The following ADAM23 variants were observed in gnomAD, a reference collection of about 807,000 sequenced individuals.
ADAM23 encodes ADAM metallopeptidase domain 23, also known as disintegrin and metalloproteinase domain-containing protein 23.
ADAM23 carries 33 observed loss-of-function variants against 120.1 expected under a neutral mutation model. The observed-to-expected ratio is 0.27, with a 90% CI of 0.21 to 0.37. The LOEUF is 0.37. Among genes scored for constraint, ADAM23 ranks in the 10% least tolerant of loss-of-function variants. ADAM23 has a pLI of 1.00. For missense variants in ADAM23, 862 were observed against 1,058.2 expected (o/e 0.81, Z 2.57); for synonymous variants, 367 against 375.2 (o/e 0.98, Z 0.25).
At chr2:206,586,711 G>A (rs1574550496) in intron 18 of ADAM23, among the ~76,000 whole-genome samples, 1 of 152,074 alleles carries the variant, frequency 6.6e-6, no homozygotes, top group South Asian at 2.1e-4. Context: ...GTAACTTTGG[G>A]GGGAAATGAA....
At chr2:206,470,133 G>T (rs1695623652) in intron 2 of ADAM23, among the ~76,000 whole-genome samples, 1 of 151,970 alleles carries the variant, frequency 6.6e-6, no homozygotes, top group Non-Finnish European at 1.5e-5. Context: ...CTTGAAATGT[G>T]GTAGACACAC....
At chr2:206,480,717 C>A (rs575921043) in intron 2 of ADAM23, among the ~76,000 whole-genome samples, 12 of 152,094 alleles carry the variant, frequency 7.9e-5, no homozygotes, top group African/African-American at 2.9e-4. Context: ...TCACAAAAGG[C>A]CAGGTTCTAA....
chr2:206,510,418 G>T (rs1379654404), intron 3 of ADAM23, among the ~76,000 whole-genome samples: 1 of 152,044 alleles, frequency 6.6e-6, no homozygotes, highest in Non-Finnish European at 1.5e-5. Flanking sequence ...TATATACTAA[G>T]ACTTCTTTCA....
chr2:206,495,482 A>C (rs1290389874), intron 3 of ADAM23, among the ~76,000 whole-genome samples: 2 of 152,234 alleles, frequency 1.3e-5, no homozygotes, highest in African/African-American at 4.8e-5. Context: ...GCCTGCCCTA[A>C]AAGAGCTCCT....
At chr2:206,540,216 TAC>T (rs71034461) in intron 4 of ADAM23, among the ~76,000 whole-genome samples, 20,787 of 131,308 alleles carry the variant, frequency 0.16, 1,553 homozygotes, top group East Asian at 0.21. Flanking sequence ...CCCTTCACTG[TAC>T]ACACACACAC....
intron 24 of ADAM23, among the ~76,000 whole-genome samples, chr2:206,600,001 A>G (rs919643161): frequency 6.6e-6 from 1 of 152,190 alleles, no homozygotes; most frequent in South Asian, 2.1e-4. Flanking sequence ...GGAGATCGAG[A>G]CCATCCTGGC....
chr2:206,510,020 T>C (rs149546538), intron 3 of ADAM23, among the ~76,000 whole-genome samples: 389 of 152,324 alleles, frequency 2.6e-3, no homozygotes, highest in Non-Finnish European at 3.7e-3. Flanking sequence ...TCAGACCCAA[T>C]TGACTGCAGT....
intron 2 of ADAM23, among the ~76,000 whole-genome samples, chr2:206,472,930 G>A (rs1425586769): frequency 1.3e-5 from 2 of 152,272 alleles, no homozygotes; most frequent in East Asian, 1.9e-4. Context: ...AGAAGAGTGT[G>A]CTTTGTTGAT....
intron 3 of ADAM23, among the ~76,000 whole-genome samples, chr2:206,522,959 T>A (rs1696874324): frequency 6.6e-6 from 1 of 152,156 alleles, no homozygotes; most frequent in Admixed American, 6.6e-5. Flanking sequence ...ATGGTCGAGC[T>A]TTAAGTTAAG....
rs181419389 is a variant in ADAM23, at chr2:206,535,758, A to G, written c.573+4810A>G. Among the ~76,000 whole-genome samples, 203 of 152,316 alleles carry G rather than the reference A, an allele frequency of 1.3e-3. 2 individuals carry two copies. Among genetic ancestry groups the G allele is most frequent in the African/African-American group, 4.6e-3 (192 of 41,566 alleles). Reference sequence around the variant, plus strand: ...TTATTTGACATGTCCAGAATAGGCAAATTCATAGGAACTGAAAGTAGGTTC... The same window carrying G: ...TTATTTGACATGTCCAGAATAGGCAGATTCATAGGAACTGAAAGTAGGTTC... On this transcript the variant is annotated intron_variant, in intron 4 of 25. Coordinates refer to ENST00000264377, the MANE Select transcript of ADAM23 (RefSeq NM_003812.4).
Position 206,479,261 on chromosome 2 carries a change from G to T in ADAM23, c.433-1971G>T, listed in dbSNP as rs191746265. On this transcript the variant is annotated intron_variant, in intron 2 of 25. Coordinates refer to ENST00000264377, the MANE Select transcript of ADAM23 (RefSeq NM_003812.4). ...ATTTACCACCAGATTACCTTATTTT[G>T]CAAGAGTGTTGTCAGTGTTTGTACT... 1.0e-3 allele frequency among the ~76,000 whole-genome samples: 153 copies of T among 152,230 alleles called. 1 individual carries two copies. Among genetic ancestry groups the T allele is most frequent in the African/African-American group, 3.4e-3 (140 of 41,536 alleles).
Position 206,619,474 on chromosome 2 carries a change from T to C in ADAM23, c.*1847T>C, listed in dbSNP as rs886465649. ...GCATCCCTCTATAGATGGGCTTTAG[T>C]AAAGACTGTCCCAAAGAGCCCCTAC... On this transcript the variant is annotated 3_prime_UTR_variant, in exon 26 of 26. Coordinates refer to ENST00000264377, the MANE Select transcript of ADAM23 (RefSeq NM_003812.4). The C allele has an allele frequency of 6.6e-6, 1 of 151,794 alleles. No individual in the cohort carries two copies. The highest frequency in any genetic ancestry group is 1.5e-5 in the Non-Finnish European group (1 of 67,986). The allele number at this position is 151,794 out of a possible 1,614,324, so 9.4% of individuals were successfully genotyped here.
chr2:206,529,243 T>C (rs1022413594), intron 3 of ADAM23, among the ~76,000 whole-genome samples: 1 of 152,170 alleles, frequency 6.6e-6, no homozygotes, highest in Non-Finnish European at 1.5e-5. Flanking sequence ...ATTCATGGTT[T>C]CCTTTAATCC....
chr2:206,501,128 G>GT (rs1206321666), intron 3 of ADAM23, among the ~76,000 whole-genome samples: 3 of 151,864 alleles, frequency 2.0e-5, no homozygotes, highest in Non-Finnish European at 4.4e-5. Flanking sequence ...TTTGTTTCCT[G>GT]TTTCCAAGAA....
At chr2:206,521,316 T>G (rs1696838392) in intron 3 of ADAM23, among the ~76,000 whole-genome samples, 1 of 151,606 alleles carries the variant, frequency 6.6e-6, no homozygotes, top group African/African-American at 2.4e-5. Context: ...GAAAGCCTGG[T>G]CAGCTGCTGC....
At chr2:206,527,807 G>A (rs1696972516) in intron 3 of ADAM23, among the ~76,000 whole-genome samples, 1 of 152,182 alleles carries the variant, frequency 6.6e-6, no homozygotes, top group Non-Finnish European at 1.5e-5. Flanking sequence ...AGTAAATGGG[G>A]ATGTGTGCTA....
chr2:206,495,969 C>G (rs952281862), intron 3 of ADAM23, among the ~76,000 whole-genome samples: 40 of 152,148 alleles, frequency 2.6e-4, no homozygotes, highest in Non-Finnish European at 4.9e-4. Context: ...AATATATATG[C>G]ACCCAATACA....
chr2:206,563,619 GGCCAGT>G (rs1697815101), intron 13 of ADAM23, among the ~76,000 whole-genome samples: 1 of 152,144 alleles, frequency 6.6e-6, no homozygotes, highest in Non-Finnish European at 1.5e-5. Context: ...TCTGGGAGGA[GGCCAGT>G]GCTAGAGTCA....
intron 10 of ADAM23, 82 bp downstream of exon 10, chr2:206,557,580 C>A: frequency 1.5e-6 from 2 of 1,313,106 alleles, no homozygotes; most frequent in Non-Finnish European, 2.2e-6. Context: ...TTAGGTATTT[C>A]TTGAACAAAT....
Sources: gnomAD v4.1 joint callset for allele counts (sites outside exome capture counted in the v4.1 genomes callset) on GRCh38, gnomAD v4.1.1 for gene constraint, MANE v1.5 for transcripts, NCBI Gene and HGNC (gene_info 2026-07-23, HGNC 2026-07-21) for gene names.